PSD3: variants seen among roughly 807,000 people sequenced by gnomAD.
The protein encoded by PSD3 is PH and SEC7 domain-containing protein 3.
A neutral mutation model predicts 105.5 loss-of-function variants in PSD3; 49 were observed. That is an observed-to-expected ratio of 0.46 (90% CI 0.37 to 0.59). The LOEUF (loss-of-function observed/expected upper bound fraction) is 0.59. Ranked by LOEUF, PSD3 falls within the 20% of genes least tolerant of loss-of-function variation. The pLI is 0.00. For synonymous variants in PSD3, 557 were observed against 457.8 expected, an observed-to-expected ratio of 1.22 and a Z score of -2.77; for missense variants, 1,561 against 1,263.8, an observed-to-expected ratio of 1.24 and a Z score of -3.57.
chr8:18,786,643 T>C (rs946863809), intron 8 of PSD3: 1 of 152,220 alleles, frequency 6.6e-6, no homozygotes, highest in Non-Finnish European at 1.5e-5. Flanking sequence ...ATTCAAATAC[T>C]TGGAGTCCTA....
chr8:18,776,249 T>G (rs1808060986), intron 8 of PSD3, among the ~76,000 whole-genome samples: 1 of 146,076 alleles, frequency 6.8e-6, no homozygotes, highest in Non-Finnish European at 1.5e-5. Context: ...ACCATGGCTC[T>G]CTCTCTCTCT....
At position 18,605,168 on chromosome 8, in the gene PSD3, G is replaced by A. The variant is rs781530910; in HGVS notation, c.2411-4734C>T. ...TGCACCATATATGCCTGGAAAAACC[G>A]AAGGCAGTCAATGCCATCCCATGAG... On this transcript the variant is annotated intron_variant, in intron 11 of 15. Coordinates refer to ENST00000327040, the MANE Select transcript of PSD3 (RefSeq NM_015310.4). Among the ~76,000 whole-genome samples the A allele has an allele frequency of 2.4e-4, 37 of 152,150 alleles. 1 individual carries two copies. The highest frequency in any genetic ancestry group is 1.1e-3 in the Admixed American group (17 of 15,276).
chr8:18,782,934 G>C (rs903032146), intron 8 of PSD3, among the ~76,000 whole-genome samples: 1 of 152,172 alleles, frequency 6.6e-6, no homozygotes, highest in Admixed American at 6.5e-5. Flanking sequence ...AATTAGGTTT[G>C]TTTTAGAATG....
At chr8:18,619,338 C>A (rs1191791665) in intron 11 of PSD3, among the ~76,000 whole-genome samples, 1 of 152,058 alleles carries the variant, frequency 6.6e-6, no homozygotes, top group East Asian at 1.9e-4. Context: ...AATAAGATAC[C>A]AGATTATAAA....
intron 1 of PSD3, among the ~76,000 whole-genome samples, chr8:19,060,500 G>A (rs1021729892): frequency 2.6e-5 from 4 of 152,086 alleles, no homozygotes; most frequent in African/African-American, 9.7e-5. Flanking sequence ...CAGATGTGAT[G>A]GCACACACCT....
At chr8:18,885,904 T>A (rs1472924757) in intron 2 of PSD3, among the ~76,000 whole-genome samples, 4 of 152,194 alleles carry the variant, frequency 2.6e-5, no homozygotes, top group African/African-American at 9.6e-5. Context: ...AAAGATTCTA[T>A]CTCAGCCTCA....
chr8:18,928,632 T>C (rs563745985), intron 2 of PSD3, among the ~76,000 whole-genome samples: 54 of 152,294 alleles, frequency 3.5e-4, no homozygotes, highest in African/African-American at 1.2e-3. Context: ...AAATTAGTGG[T>C]TGCCTAGAAT....
intron 4 of PSD3, among the ~76,000 whole-genome samples, chr8:18,823,896 G>C (rs995653063): frequency 7.2e-5 from 11 of 152,142 alleles, no homozygotes; most frequent in Non-Finnish European, 1.5e-4. Flanking sequence ...GAGAAAAAGT[G>C]AGGTCAGGCA....
At chr8:18,587,526 C>A (rs545745991) in intron 12 of PSD3, among the ~76,000 whole-genome samples, 42 of 152,252 alleles carry the variant, frequency 2.8e-4, no homozygotes, top group African/African-American at 9.6e-4. Flanking sequence ...TCTCTCATAT[C>A]TGCTATTTTC....
At chr8:18,916,329 T>C (rs1193653042) in intron 2 of PSD3, among the ~76,000 whole-genome samples, 1 of 56,496 alleles carries the variant, frequency 1.8e-5, no homozygotes, top group African/African-American at 1.0e-4. Flanking sequence ...TATATATATA[T>C]ATATATATAT....
intron 2 of PSD3, among the ~76,000 whole-genome samples, chr8:18,909,292 T>A (rs1041300487): frequency 6.6e-6 from 1 of 152,154 alleles, no homozygotes; most frequent in Non-Finnish European, 1.5e-5. Context: ...GGTTTGACCG[T>A]GGCCCCATTA....
At chr8:18,995,029 A>G (rs76730090) in intron 1 of PSD3, among the ~76,000 whole-genome samples, 2,866 of 152,136 alleles carry the variant, frequency 0.019, 109 homozygotes, top group African/African-American at 0.066. Context: ...GGTTTATTCT[A>G]TTTTCCACAA....
chr8:18,605,010 A>G (rs976159819), intron 11 of PSD3, among the ~76,000 whole-genome samples: 1 of 152,224 alleles, frequency 6.6e-6, no homozygotes, highest in African/African-American at 2.4e-5. Flanking sequence ...AGAATTCCCT[A>G]CTAGGGCAGT....
chr8:18,973,445 T>C (rs1216808890), intron 1 of PSD3, among the ~76,000 whole-genome samples: 3 of 152,200 alleles, frequency 2.0e-5, no homozygotes, highest in African/African-American at 7.2e-5. Context: ...AGCCACCTTC[T>C]TGCTCTTGTC....
At chr8:18,845,726 C>T (rs985015495) in intron 4 of PSD3, among the ~76,000 whole-genome samples, 11 of 152,226 alleles carry the variant, frequency 7.2e-5, no homozygotes, top group Non-Finnish European at 1.5e-4. Flanking sequence ...CATTTGAGGC[C>T]GGTCGTTGGA....
At chr8:18,971,294 G>A (rs1439886137) in intron 1 of PSD3, among the ~76,000 whole-genome samples, 1 of 152,206 alleles carries the variant, frequency 6.6e-6, no homozygotes, top group African/African-American at 2.4e-5. Flanking sequence ...GCAGGGCAAA[G>A]CTCAGCCAAG....
At chr8:19,039,446 A>G (rs986276376) in intron 1 of PSD3, among the ~76,000 whole-genome samples, 2 of 152,148 alleles carry the variant, frequency 1.3e-5, no homozygotes, top group African/African-American at 4.8e-5. Flanking sequence ...TCCTGACTTC[A>G]TCTCCTCCTC....
intron 4 of PSD3, among the ~76,000 whole-genome samples, chr8:18,851,351 T>C (rs1195065742): frequency 1.3e-5 from 2 of 152,182 alleles, no homozygotes; most frequent in African/African-American, 2.4e-5. Context: ...AAGATATTCA[T>C]GACAAAAAGC....
chr8:18,724,363 G>C (rs1296436781), intron 9 of PSD3, among the ~76,000 whole-genome samples: 2 of 152,148 alleles, frequency 1.3e-5, no homozygotes, highest in East Asian at 3.9e-4. Context: ...TGTAATCCCA[G>C]CATTTTGGTA....
Sources: allele counts gnomAD v4.1 joint callset (sites outside exome capture counted in the v4.1 genomes callset), GRCh38; gene constraint gnomAD v4.1.1; transcripts MANE v1.5; gene names NCBI Gene and HGNC (gene_info 2026-07-23, HGNC 2026-07-21).